Variants in SLIT2 observed in about 807,000 individuals in gnomAD.
SLIT2 encodes the protein slit guidance ligand 2, also known as slit homolog 2 protein.
In SLIT2, 41 loss-of-function variants were observed where a neutral mutation model predicts 185.7. The observed-to-expected ratio is 0.22, with a 90% CI of 0.17 to 0.29. The LOEUF (loss-of-function observed/expected upper bound fraction) is 0.29, where lower values mean the gene tolerates loss of function less well. SLIT2 is among the 10% of genes least tolerant of loss of function. The pLI is 1.00. For missense variants in SLIT2, 1,571 were observed against 1,909.0 expected, an observed-to-expected ratio of 0.82 and a Z score of 3.30; for synonymous variants, 693 against 680.2, an observed-to-expected ratio of 1.02 and a Z score of -0.29.
At chr4:20,594,932 G>T (rs1727853536) in intron 30 of SLIT2, among the ~76,000 whole-genome samples, 1 of 152,166 alleles carries the variant, frequency 6.6e-6, no homozygotes, top group Non-Finnish European at 1.5e-5. Flanking sequence ...AGAGGATTCA[G>T]TGAATCCATA....
intron 2 of SLIT2, 143 bp downstream of exon 2, chr4:20,256,886 A>T: frequency 2.0e-6 from 1 of 512,116 alleles, no homozygotes; most frequent in Non-Finnish European, 3.5e-6. Context: ...TGTGTTTATC[A>T]TTGTACTACA....
At chr4:20,453,337 C>T (rs567711629) in intron 4 of SLIT2, among the ~76,000 whole-genome samples, 7 of 152,076 alleles carry the variant, frequency 4.6e-5, no homozygotes, top group Non-Finnish European at 7.4e-5. Flanking sequence ...TGTGAAAAAG[C>T]GTTTTCTATT....
At chr4:20,445,632 G>A (rs1711692308) in intron 4 of SLIT2, among the ~76,000 whole-genome samples, 1 of 152,194 alleles carries the variant, frequency 6.6e-6, no homozygotes, top group Non-Finnish European at 1.5e-5. Context: ...ATAAAAGCAT[G>A]TATCTAATCT....
chr4:20,328,082 A>C (rs182209256), intron 4 of SLIT2, among the ~76,000 whole-genome samples: 1 of 152,044 alleles, frequency 6.6e-6, no homozygotes, highest in Non-Finnish European at 1.5e-5. Flanking sequence ...AGAGTTTCTT[A>C]GAACTACCCT....
At chr4:20,617,705 T>G in intron 36 of SLIT2, 55 bp downstream of exon 36, 3 of 1,179,030 alleles carry the variant, frequency 2.5e-6, no homozygotes, top group Admixed American at 2.4e-5. Context: ...AGGGGTCCCA[T>G]GTCTTTGAAA....
chr4:20,589,950 A>AG (rs1188530179), intron 30 of SLIT2, among the ~76,000 whole-genome samples: 1 of 118,596 alleles, frequency 8.4e-6, no homozygotes, highest in Non-Finnish European at 1.6e-5. Context: ...CCTGTTGCCC[A>AG]GCTGGAGTGC....
chr4:20,592,515 TG>T (rs1727591133), intron 30 of SLIT2, among the ~76,000 whole-genome samples: 1 of 152,180 alleles, frequency 6.6e-6, no homozygotes, highest in African/African-American at 2.4e-5. Context: ...AAGACAAAAA[TG>T]TTGGACATAA....
intron 4 of SLIT2, among the ~76,000 whole-genome samples, chr4:20,284,381 A>G (rs1715071130): frequency 6.6e-6 from 1 of 152,224 alleles, no homozygotes. Context: ...TCCATAGGTT[A>G]TACATTCTGT....
intron 29 of SLIT2, among the ~76,000 whole-genome samples, chr4:20,580,161 A>G (rs1261481841): frequency 6.7e-6 from 1 of 149,920 alleles, no homozygotes; most frequent in Admixed American, 6.7e-5. Context: ...CTCAGGTTCA[A>G]GCGATTCTCT....
intron 34 of SLIT2, chr4:20,616,245 G>C (rs1729639240): frequency 1.3e-5 from 2 of 152,214 alleles, no homozygotes; most frequent in South Asian, 4.1e-4. Flanking sequence ...ACGTTGCCAG[G>C]AGTGAGCTGA....
intron 4 of SLIT2, among the ~76,000 whole-genome samples, chr4:20,327,483 T>C (rs1719692031): frequency 6.6e-6 from 1 of 152,030 alleles, no homozygotes; most frequent in South Asian, 2.1e-4. Context: ...TTGCTTTTAT[T>C]TACTACCTGC....
At chr4:20,573,433 C>T (rs896056397) in intron 29 of SLIT2, among the ~76,000 whole-genome samples, 1 of 152,100 alleles carries the variant, frequency 6.6e-6, no homozygotes, top group African/African-American at 2.4e-5. Flanking sequence ...ATCGCTATGA[C>T]AAACAGTATA....
At chr4:20,594,945 A>C (rs1727854097) in intron 30 of SLIT2, among the ~76,000 whole-genome samples, 1 of 152,162 alleles carries the variant, frequency 6.6e-6, no homozygotes, top group Non-Finnish European at 1.5e-5. Context: ...AATCCATAGA[A>C]GCCACATGGT....
intron 4 of SLIT2, among the ~76,000 whole-genome samples, chr4:20,386,417 A>C (rs1724940713): frequency 6.6e-6 from 1 of 152,060 alleles, no homozygotes; most frequent in Admixed American, 6.6e-5. Context: ...AGTGTGTCAC[A>C]CAAGTGACAC....
chr4:20,534,507 C>T (rs1722096638), intron 18 of SLIT2, among the ~76,000 whole-genome samples: 1 of 152,186 alleles, frequency 6.6e-6, no homozygotes, highest in African/African-American at 2.4e-5. Context: ...CACGCATATA[C>T]ACACATATAC....
chr4:20,584,401 G>C (rs1454276397), intron 29 of SLIT2, among the ~76,000 whole-genome samples: 2 of 152,168 alleles, frequency 1.3e-5, no homozygotes, highest in Non-Finnish European at 2.9e-5. Context: ...GCTTTTTACT[G>C]TTCCACCTAG....
intron 30 of SLIT2, among the ~76,000 whole-genome samples, chr4:20,594,195 ATATG>A (rs1433976149): frequency 4.0e-5 from 6 of 149,726 alleles, no homozygotes; most frequent in Admixed American, 6.7e-5. Context: ...GTGTATATAC[ATATG>A]TATGTATGTG....
At position 20,438,083 on chromosome 4, in the gene SLIT2, C is replaced by G. The variant is rs535967029; in HGVS notation, c.396-29669C>G. 3.3e-5 allele frequency among the ~76,000 whole-genome samples: 5 copies of G among 152,222 alleles called. No homozygotes were observed. The South Asian group carries it at 8.3e-4, about 25-fold the overall frequency. ...TGCCTGATTCAAGCTACCTACAGCA[C>G]TCACCCCGTTTCTGGAATACTCTCT... On this transcript the variant is annotated intron_variant, in intron 4 of 36. Transcript: ENST00000504154.
chr4:20,504,353 T>A (rs900479619), intron 9 of SLIT2, among the ~76,000 whole-genome samples: 1 of 152,152 alleles, frequency 6.6e-6, no homozygotes, highest in African/African-American at 2.4e-5. Context: ...TAAAAGCAGA[T>A]GGAGAAAACG....
Sources: allele counts gnomAD v4.1 joint callset (sites outside exome capture counted in the v4.1 genomes callset), GRCh38; gene constraint gnomAD v4.1.1; transcripts MANE v1.5; gene names NCBI Gene and HGNC (gene_info 2026-07-23, HGNC 2026-07-21).